The following ANKRD6 variants were observed in gnomAD, a reference collection of about 807,000 sequenced individuals.
The protein encoded by ANKRD6 is ankyrin repeat domain 6.
Under a neutral mutation model 82.3 loss-of-function variants are expected in ANKRD6, and 56 were observed. The ratio of observed to expected loss-of-function variants is 0.68; its 90% CI spans 0.55 to 0.85. The LOEUF (loss-of-function observed/expected upper bound fraction) is 0.85, where lower values mean the gene tolerates loss of function less well. Among genes scored for constraint, ANKRD6 ranks in the 40% least tolerant of loss-of-function variants. The pLI, the probability that ANKRD6 is intolerant of heterozygous loss-of-function variation, is 0.00. For missense variants in ANKRD6, 852 were observed against 907.6 expected (o/e 0.94, Z 0.79); for synonymous variants, 347 against 352.1 (o/e 0.99, Z 0.16).
chr6:89,553,977 G>A (rs1786215613), intron 1 of ANKRD6, among the ~76,000 whole-genome samples: 2 of 152,178 alleles, frequency 1.3e-5, no homozygotes, highest in South Asian at 4.1e-4. Flanking sequence ...GTGTTGAAGT[G>A]ACATATTGGA....
intron 2 of ANKRD6, among the ~76,000 whole-genome samples, chr6:89,577,376 T>C (rs1446935664): frequency 6.6e-6 from 1 of 152,226 alleles, no homozygotes; most frequent in East Asian, 1.9e-4. Context: ...AAATGGGATA[T>C]ATTTTTTCTT....
At chr6:89,457,717 C>G (rs1227476429) in intron 1 of ANKRD6, among the ~76,000 whole-genome samples, 4 of 152,154 alleles carry the variant, frequency 2.6e-5, no homozygotes, top group African/African-American at 9.7e-5. Flanking sequence ...TATTGTGACT[C>G]TCAGGCTAAA....
At chr6:89,510,832 T>C (rs913017179) in intron 1 of ANKRD6, among the ~76,000 whole-genome samples, 7 of 152,224 alleles carry the variant, frequency 4.6e-5, no homozygotes, top group African/African-American at 1.7e-4. Flanking sequence ...GCTGTAACTC[T>C]GTACCCCTCA....
At chr6:89,603,907 A>G (rs1158216089) in intron 4 of ANKRD6, among the ~76,000 whole-genome samples, 1 of 152,188 alleles carries the variant, frequency 6.6e-6, no homozygotes, top group Non-Finnish European at 1.5e-5. Context: ...GGAAGCTGAG[A>G]TGGGAGGATT....
intron 1 of ANKRD6, among the ~76,000 whole-genome samples, chr6:89,467,612 G>A (rs945756662): frequency 6.6e-6 from 1 of 152,178 alleles, no homozygotes; most frequent in African/African-American, 2.4e-5. Flanking sequence ...AGATTTTGTG[G>A]TTTTAGAGCA....
intron 7 of ANKRD6, chr6:89,616,300 T>A (rs1329027944): frequency 4.2e-6 from 2 of 474,438 alleles, no homozygotes; most frequent in African/African-American, 2.0e-5. Flanking sequence ...AGGCCAGCAT[T>A]ACTTTGCCCC....
At chr6:89,623,687 T>G in intron 11 of ANKRD6, 143 bp downstream of exon 11, 2 of 1,347,158 alleles carry the variant, frequency 1.5e-6, no homozygotes, top group East Asian at 5.0e-5. Flanking sequence ...TAAATCTGGC[T>G]AACATCAGAC....
chr6:89,616,000 G>A (rs915011673), intron 7 of ANKRD6, among the ~76,000 whole-genome samples: 6 of 152,134 alleles, frequency 3.9e-5, no homozygotes, highest in Non-Finnish European at 8.8e-5. Context: ...GTTTCCACCC[G>A]CACAAAGCAT....
intron 1 of ANKRD6, among the ~76,000 whole-genome samples, chr6:89,566,265 T>A (rs1583319106): frequency 6.6e-6 from 1 of 152,392 alleles, no homozygotes; most frequent in Non-Finnish European, 1.5e-5. Context: ...GCTCTCCATC[T>A]GTTCCAGAAC....
Position 89,603,429 on chromosome 6 carries a change from G to T in ANKRD6, c.318+302G>T, listed in dbSNP as rs1269715615. Among the ~76,000 whole-genome samples, 10 of 149,404 alleles carry T rather than the reference G, an allele frequency of 6.7e-5. No individual in the cohort carries two copies. The South Asian group carries it at 2.1e-3, about 31-fold the overall frequency. On this transcript the variant is annotated intron_variant, in intron 4 of 15. Coordinates refer to ENST00000339746, the MANE Select transcript of ANKRD6 (RefSeq NM_001242809.2). Reference sequence around the variant, plus strand: ...GCACCTGGAACTCCTGGGCTCAAGTGCTCCTCCCACCTCATCCTCCCAAAA... The same window carrying T: ...GCACCTGGAACTCCTGGGCTCAAGTTCTCCTCCCACCTCATCCTCCCAAAA...
At chr6:89,590,122 A>G (rs1468642682) in intron 2 of ANKRD6, among the ~76,000 whole-genome samples, 2 of 152,258 alleles carry the variant, frequency 1.3e-5, no homozygotes, top group Non-Finnish European at 2.9e-5. Context: ...CCATATTTTT[A>G]GTAATGTCAT....
chr6:89,568,488 A>T (rs55941917), intron 2 of ANKRD6, among the ~76,000 whole-genome samples: 34,098 of 152,098 alleles, frequency 0.22, 4,080 homozygotes, highest in South Asian at 0.47. Context: ...ACCTATTTTA[A>T]TTGTACAATT....
chr6:89,614,466 T>C (rs1800998793), intron 7 of ANKRD6, among the ~76,000 whole-genome samples: 1 of 151,996 alleles, frequency 6.6e-6, no homozygotes, highest in Admixed American at 6.6e-5. Context: ...GCCAACATGG[T>C]GAAACCCTGT....
chr6:89,480,004 A>G (rs968380077), intron 1 of ANKRD6, among the ~76,000 whole-genome samples: 1 of 152,174 alleles, frequency 6.6e-6, no homozygotes, highest in Admixed American at 6.5e-5. Context: ...TTTGGTTTGT[A>G]TCACGTGTGA....
intron 1 of ANKRD6, among the ~76,000 whole-genome samples, chr6:89,487,599 A>C (rs754649568): frequency 1.3e-5 from 2 of 152,246 alleles, no homozygotes; most frequent in Non-Finnish European, 2.9e-5. Flanking sequence ...AATTCATTTC[A>C]TATTGTTCTG....
intron 13 of ANKRD6, 100 bp from the exon 14 acceptor site, chr6:89,627,483 G>A (rs976063206): frequency 4.4e-6 from 4 of 900,578 alleles, no homozygotes; most frequent in Admixed American, 2.3e-5. Context: ...TGCATGCAGG[G>A]GCTCCTACTT....
chr6:89,494,240 G>C (rs1778350161), intron 1 of ANKRD6, among the ~76,000 whole-genome samples: 2 of 152,200 alleles, frequency 1.3e-5, no homozygotes, highest in African/African-American at 4.8e-5. Flanking sequence ...AGACATCAAG[G>C]GTTGGGTGAT....
At position 89,486,057 on chromosome 6, in the gene ANKRD6, A is replaced by G. The variant is rs1000182308; in HGVS notation, c.-144+52682A>G. The stretch of plus-strand genomic sequence containing the variant: ...TGATACATATCTTGCCAGTCTTTAA[A>G]ACATTTTTAAAAAATGGGGTCATAA... On this transcript the variant is annotated intron_variant, in intron 1 of 15. Coordinates refer to ENST00000339746, the MANE Select transcript of ANKRD6 (RefSeq NM_001242809.2). Among the ~76,000 whole-genome samples, 3 of 152,230 alleles carry G rather than the reference A, an allele frequency of 2.0e-5. No homozygotes were observed. In the South Asian group the frequency reaches 6.2e-4, roughly 31 times the overall value.
chr6:89,603,133 T>G lies in ANKRD6; in HGVS notation c.318+6T>G. ...CCCTGGACAGACAAGACAAGGTGAG[T>G]GGACACTGAGCTTCCTTACTCCCCA... On this transcript the variant is annotated splice_donor_region_variant and intron_variant, in intron 4 of 15. Coordinates refer to ENST00000339746, the MANE Select transcript of ANKRD6 (RefSeq NM_001242809.2). 6.3e-7 allele frequency: 1 copy of G among 1,595,256 alleles called. No individual in the cohort carries two copies. The highest frequency in any genetic ancestry group is 1.1e-5 in the South Asian group (1 of 87,420).
Sources: gnomAD v4.1 joint callset for allele counts (sites outside exome capture counted in the v4.1 genomes callset) on GRCh38, gnomAD v4.1.1 for gene constraint, MANE v1.5 for transcripts, NCBI Gene and HGNC (gene_info 2026-07-23, HGNC 2026-07-21) for gene names.